NEURL1B: variants seen among roughly 807,000 people sequenced by gnomAD.
NEURL1B encodes the protein E3 ubiquitin-protein ligase NEURL1B.
Under a neutral mutation model 37.4 loss-of-function variants are expected in NEURL1B, and 13 were observed. The ratio of observed to expected loss-of-function variants is 0.35; its 90% CI spans 0.23 to 0.55. The LOEUF is 0.55. Among genes scored for constraint, NEURL1B ranks in the 20% least tolerant of loss-of-function variants. The pLI, the probability that NEURL1B is intolerant of heterozygous loss-of-function variation, is 0.89. For missense variants in NEURL1B, 790 were observed against 879.2 expected (o/e 0.90, Z 1.28); for synonymous variants, 432 against 426.6 (o/e 1.01, Z -0.16).
In NEURL1B at chr5:172,665,139, A is replaced by G. The variant is rs532118353; in HGVS notation, c.32-4646A>G. ...GGGGAGGGGAGATAAAAATAATCAA[A>G]TAAGGGTGGCCATGGACGCTGGTGC... On this transcript the variant is annotated intron_variant, in intron 1 of 4. Coordinates refer to ENST00000369800, the MANE Select transcript of NEURL1B (RefSeq NM_001142651.3). The surrounding 1 kb of genome is among the most constrained non-coding windows in gnomAD (Gnocchi z 4.1). 6.6e-6 allele frequency among the ~76,000 whole-genome samples: 1 copy of G among 152,304 alleles called. No homozygotes were observed. Among genetic ancestry groups the G allele is most frequent in the African/African-American group, 2.4e-5 (1 of 41,576 alleles).
At chr5:172,674,292 C>T (rs939344742) in intron 2 of NEURL1B, among the ~76,000 whole-genome samples, 15 of 152,108 alleles carry the variant, frequency 9.9e-5, no homozygotes, top group Non-Finnish European at 1.3e-4. Flanking sequence ...AAAAAGGGCT[C>T]GTAGGCCTCA....
chr5:172,679,455 C>T (rs182868302), intron 2 of NEURL1B, among the ~76,000 whole-genome samples: 130 of 152,358 alleles, frequency 8.5e-4, no homozygotes, highest in Middle Eastern at 3.4e-3. Flanking sequence ...CACGCTCCCT[C>T]GGTGCCTCTT....
chr5:172,674,332 G>A (rs968827296), intron 2 of NEURL1B, among the ~76,000 whole-genome samples: 2 of 151,950 alleles, frequency 1.3e-5, no homozygotes, highest in African/African-American at 4.8e-5. Context: ...GGAACTTTGA[G>A]CCCAGCCCAG....
chr5:172,666,195 C>G (rs1474487952), intron 1 of NEURL1B, among the ~76,000 whole-genome samples: 1 of 146,612 alleles, frequency 6.8e-6, no homozygotes, highest in Non-Finnish European at 1.5e-5. Context: ...ACCACCACCA[C>G]CACCAAAAAA....
Position 172,687,427 on chromosome 5 carries a change from A to G in NEURL1B, c.*502A>G, listed in dbSNP as rs915878879. ...TGTTCACTTTCTGGGGATGGGACAT[A>G]AGCTGGTTTTGAATGTATGAAGCTG... On this transcript the variant is annotated 3_prime_UTR_variant, in exon 5 of 5. Coordinates refer to ENST00000369800, the MANE Select transcript of NEURL1B (RefSeq NM_001142651.3). 8 of 156,832 alleles carry G rather than the reference A, an allele frequency of 5.1e-5. No individual in the cohort carries two copies. The highest frequency in any genetic ancestry group is 1.4e-4 in the African/African-American group (6 of 41,500). The allele number at this position is 156,832 out of a possible 1,614,324, so 9.7% of individuals were successfully genotyped here. A position where few individuals can be genotyped will look rare whatever the true frequency, so the allele number is the denominator to read the frequency against.
intron 1 of NEURL1B, among the ~76,000 whole-genome samples, chr5:172,654,447 C>T (rs1757725488): frequency 2.0e-5 from 3 of 152,058 alleles, no homozygotes; most frequent in Admixed American, 6.5e-5. Context: ...GAGACCTTTG[C>T]GTGGTAATTA....
intron 1 of NEURL1B, among the ~76,000 whole-genome samples, chr5:172,644,793 C>T (rs1418924061): frequency 6.6e-6 from 1 of 152,112 alleles, no homozygotes; most frequent in East Asian, 1.9e-4. Context: ...CTCTCGAGTC[C>T]GTTAGCCTTC....
At chr5:172,646,661 G>A (rs376682248) in intron 1 of NEURL1B, among the ~76,000 whole-genome samples, 50 of 152,294 alleles carry the variant, frequency 3.3e-4, no homozygotes, top group African/African-American at 1.1e-3. Context: ...AGGAGAGACC[G>A]ACAAAGACAC....
At chr5:172,658,885 G>T (rs1006717979) in intron 1 of NEURL1B, among the ~76,000 whole-genome samples, 7 of 152,136 alleles carry the variant, frequency 4.6e-5, no homozygotes, top group Admixed American at 3.3e-4. Context: ...GGGACACTCA[G>T]CCCTGGGGCT....
chr5:172,678,393 C>G (rs1758279860), intron 2 of NEURL1B, among the ~76,000 whole-genome samples: 1 of 152,152 alleles, frequency 6.6e-6, no homozygotes, highest in Admixed American at 6.5e-5. Context: ...TCCCTTGAAC[C>G]CCAGGCCTCC....
chr5:172,642,590 T>C (rs1399627051), intron 1 of NEURL1B, among the ~76,000 whole-genome samples: 1 of 152,232 alleles, frequency 6.6e-6, no homozygotes, highest in Non-Finnish European at 1.5e-5. Flanking sequence ...AGGCATTACA[T>C]GCTCTTAAAG....
intron 2 of NEURL1B, among the ~76,000 whole-genome samples, chr5:172,677,266 G>A (rs965492238): frequency 6.6e-6 from 1 of 152,200 alleles, no homozygotes; most frequent in African/African-American, 2.4e-5. Context: ...GCATGGCAGG[G>A]TGTCCTGAAG....
At chr5:172,684,839 G>C (rs1470976414) in intron 3 of NEURL1B, among the ~76,000 whole-genome samples, 1 of 152,182 alleles carries the variant, frequency 6.6e-6, no homozygotes, top group Non-Finnish European at 1.5e-5. Flanking sequence ...ACAGCCGGGG[G>C]CTCCTCTCCC....
At chr5:172,680,854 TA>T (rs1280361387) in intron 2 of NEURL1B, among the ~76,000 whole-genome samples, 1 of 152,222 alleles carries the variant, frequency 6.6e-6, no homozygotes, top group East Asian at 1.9e-4. Flanking sequence ...TTTTTAAAAA[TA>T]TTTTTTCCCA....
At chr5:172,645,045 C>T (rs1010915448) in intron 1 of NEURL1B, among the ~76,000 whole-genome samples, 4 of 152,206 alleles carry the variant, frequency 2.6e-5, no homozygotes, top group African/African-American at 9.7e-5. Context: ...GAACCAACAG[C>T]TTTTTCGTAT....
chr5:172,655,912 T>G (rs1014191982), intron 1 of NEURL1B, among the ~76,000 whole-genome samples: 15 of 152,160 alleles, frequency 9.9e-5, no homozygotes, highest in Admixed American at 9.2e-4. Flanking sequence ...ATATAAAGTT[T>G]CGGTGCCGCA....
rs116561563 is a variant in NEURL1B at position 172,687,195 on chromosome 5, A to G, written c.*270A>G. The G allele has an allele frequency of 2.7e-4, 97 of 355,542 alleles. No homozygotes were observed. Among genetic ancestry groups the G allele is most frequent in the Admixed American group, 8.7e-4 (22 of 25,298 alleles). 22.0% of individuals were successfully genotyped at this position (355,542 alleles called of 1,614,324 possible). A position where few individuals can be genotyped will look rare whatever the true frequency, so the allele number is the denominator to read the frequency against. On this transcript the variant is annotated 3_prime_UTR_variant, in exon 5 of 5. Coordinates refer to ENST00000369800, the MANE Select transcript of NEURL1B (RefSeq NM_001142651.3). The stretch of plus-strand genomic sequence containing the variant: ...CACCCTGTCCCTTGGTGACCTTTCA[A>G]CTGGGAAACAGCGTCCTCTGTCTGT...
chr5:172,643,200 G>T (rs1403727437), intron 1 of NEURL1B, among the ~76,000 whole-genome samples: 3 of 152,216 alleles, frequency 2.0e-5, no homozygotes, highest in Non-Finnish European at 4.4e-5. Flanking sequence ...GGGGAATTCA[G>T]ACTCTTCTCT....
rs117279324 is a variant in NEURL1B, at chr5:172,677,646, T to G, written c.578-5773T>G. On this transcript the variant is annotated intron_variant, in intron 2 of 4. Coordinates refer to ENST00000369800, the MANE Select transcript of NEURL1B (RefSeq NM_001142651.3). The stretch of plus-strand genomic sequence containing the variant: ...TCTTTTTTCCTAGAACCTCAAGCCC[T>G]CTCCCTTGGTGCCCACCCCCTCGGC... Among the ~76,000 whole-genome samples the G allele has an allele frequency of 6.6e-4, 100 of 152,186 alleles. 2 individuals carry two copies. The East Asian group carries it at 0.019, about 29-fold the overall frequency.
Sources: allele counts gnomAD v4.1 joint callset (sites outside exome capture counted in the v4.1 genomes callset), GRCh38; gene constraint gnomAD v4.1.1; non-coding constraint Gnocchi (gnomAD v3.1); transcripts MANE v1.5; gene names NCBI Gene and HGNC (gene_info 2026-07-23, HGNC 2026-07-21).